Variants in SRSF11 observed in about 807,000 individuals in gnomAD.
SRSF11 encodes serine/arginine-rich splicing factor 11.
In SRSF11, 9 loss-of-function variants were observed where a neutral mutation model predicts 56.0. The ratio of observed to expected loss-of-function variants is 0.16; its 90% CI spans 0.10 to 0.28. The LOEUF is 0.28. Among genes scored for constraint, SRSF11 ranks in the 10% least tolerant of loss-of-function variants. The pLI is 1.00. For synonymous variants in SRSF11, 222 were observed against 215.3 expected (o/e 1.03, Z -0.27); for missense variants, 421 against 600.7 (o/e 0.70, Z 3.13).
At chr1:70,226,378 G>T (rs1043011696) in intron 1 of SRSF11, among the ~76,000 whole-genome samples, 6 of 151,972 alleles carry the variant, frequency 3.9e-5, no homozygotes, top group Non-Finnish European at 5.9e-5. Flanking sequence ...AACAGGTTTT[G>T]ATATAGCCAA....
intron 1 of SRSF11, 55 bp downstream of exon 1, chr1:70,221,894 A>G: frequency 2.2e-5 from 35 of 1,603,764 alleles, no homozygotes; most frequent in Non-Finnish European, 2.9e-5. Flanking sequence ...CCTGGGCCTA[A>G]CACACACAAT....
chr1:70,223,695 T>A (rs1248004867), intron 1 of SRSF11, among the ~76,000 whole-genome samples: 2 of 152,256 alleles, frequency 1.3e-5, no homozygotes. Flanking sequence ...CCTTCTACAT[T>A]TGATCAGTAA....
rs1677868044 is a variant in SRSF11 at position 70,250,951 on chromosome 1, A to G, written c.*146A>G. Reference sequence around the variant, plus strand: ...TTATAAAGCTCCTGTTACTCATATTAGTTATTTACATCAAAAAGCTTTTAG... The same window carrying G: ...TTATAAAGCTCCTGTTACTCATATTGGTTATTTACATCAAAAAGCTTTTAG... On this transcript the variant is annotated 3_prime_UTR_variant, in exon 12 of 12. Coordinates refer to ENST00000370949, the MANE Select transcript of SRSF11 (RefSeq NM_001350605.2). The G allele has an allele frequency of 1.5e-6, 1 of 667,450 alleles. No individual in the cohort carries two copies. The highest frequency in any genetic ancestry group is 1.8e-5 in the African/African-American group (1 of 55,126). 41.3% of individuals were successfully genotyped at this position (667,450 alleles called of 1,614,324 possible). A position where few individuals can be genotyped will look rare whatever the true frequency, so the allele number is the denominator to read the frequency against.
At chr1:70,215,687 C>T (rs760855853) in intron 1 of SRSF11, among the ~76,000 whole-genome samples, 8 of 152,272 alleles carry the variant, frequency 5.3e-5, no homozygotes, top group Middle Eastern at 3.4e-3. Context: ...CTGTCTTTTC[C>T]GTTAGTGTGA....
chr1:70,222,680 A>G (rs1231335579), intron 1 of SRSF11: 2 of 152,226 alleles, frequency 1.3e-5, no homozygotes, highest in Admixed American at 6.5e-5. Context: ...TGGAAGACTT[A>G]TTGGTGGAGA....
At chr1:70,228,349 T>A (rs1253199470) in intron 1 of SRSF11, 73 bp from the exon 2 acceptor site, 4 of 1,145,180 alleles carry the variant, frequency 3.5e-6, no homozygotes, top group Non-Finnish European at 5.1e-6. Flanking sequence ...TTTTGAAATG[T>A]GTTGGTTTGT....
chr1:70,236,130 T>A (rs1454709846), intron 5 of SRSF11, among the ~76,000 whole-genome samples: 2 of 152,134 alleles, frequency 1.3e-5, no homozygotes, highest in Non-Finnish European at 2.9e-5. Context: ...ATCGTTGGAC[T>A]TCAGTAGTTA....
chr1:70,239,471 T>G lies in SRSF11; in HGVS notation c.751T>G (p.Ser251Ala). 6.2e-7 allele frequency: 1 copy of G among 1,608,688 alleles called. No individual in the cohort carries two copies. Among genetic ancestry groups the G allele is most frequent in the Non-Finnish European group, 8.5e-7 (1 of 1,178,362 alleles). Residue 251 changes from serine to alanine, a missense_variant, in exon 7 of 12, where the codon TCA (serine) becomes GCA (alanine). Transcript: ENST00000370949. ...KKEEKRRHSR[S>A]RSRSRRRRTP... The stretch of plus-strand genomic sequence containing the variant: ...AGAAGAAAAAAGAAGGCATTCAAGA[T>G]CAAGATCACGTTCTAGGAGGAGGAG...
In SRSF11 at chr1:70,244,904, G is replaced by T. The variant is rs189210144; in HGVS notation, c.932+89G>T. On this transcript the variant is annotated intron_variant, in intron 8 of 11. Transcript: ENST00000370949. ...GTAACAAAAGAGGTGGTTGGGGTGC[G>T]GGGCAGAGAAATAGGGCTAGACAGG... 8 of 1,328,420 alleles carry T rather than the reference G, an allele frequency of 6.0e-6. 1 individual carries two copies. The highest frequency in any genetic ancestry group is 4.8e-5 in the East Asian group (2 of 41,520). 82.3% of individuals were successfully genotyped at this position (1,328,420 alleles called of 1,614,324 possible).
upstream of SRSF11, chr1:70,221,275 CCT>C (rs1023809366): frequency 1.6e-4 from 44 of 273,224 alleles, no homozygotes; most frequent in African/African-American, 9.4e-4. Flanking sequence ...GACCCCGGTG[CCT>C]CTCATTTCTC....
upstream of SRSF11, chr1:70,205,712 G>C (rs1668942391): frequency 5.2e-6 from 3 of 576,296 alleles, no homozygotes; most frequent in Admixed American, 9.7e-5. Context: ...ACCAGCGCCT[G>C]GGCTGGAGGA....
At chr1:70,233,574 A>G (rs1430309272) in intron 3 of SRSF11, among the ~76,000 whole-genome samples, 2 of 152,226 alleles carry the variant, frequency 1.3e-5, no homozygotes, top group Admixed American at 1.3e-4. Context: ...CCTTTAATGT[A>G]TAAAGCTATG....
chr1:70,241,996 G>A lies in SRSF11; in HGVS notation c.800+2476G>A, dbSNP rs543947896. ...AGCCTGGCCAACATAGTGAAACCCC[G>A]TCTCTCCTAAAAACACAAAAATCAG... On this transcript the variant is annotated intron_variant, in intron 7 of 11. Transcript: ENST00000370949. Among the ~76,000 whole-genome samples, 18 of 152,140 alleles carry A rather than the reference G, an allele frequency of 1.2e-4. No individual in the cohort carries two copies. In the South Asian group the frequency reaches 2.9e-3, roughly 25 times the overall value.
intron 2 of SRSF11, chr1:70,230,270 A>G (rs41287900): frequency 0.021 from 20,591 of 1,000,220 alleles, 229 homozygotes; most frequent in South Asian, 0.03. Flanking sequence ...TCAGAATTCT[A>G]TTGTTGGTGA....
At chr1:70,215,740 AG>A (rs1669946766) in intron 1 of SRSF11, among the ~76,000 whole-genome samples, 1 of 152,194 alleles carries the variant, frequency 6.6e-6, no homozygotes, top group Non-Finnish European at 1.5e-5. Flanking sequence ...AACTGCAAAC[AG>A]GGTTCCCAGT....
Position 70,210,462 on chromosome 1 carries a change from C to T in SRSF11, c.-26+4682C>T, listed in dbSNP as rs193188299. Among the ~76,000 whole-genome samples the T allele has an allele frequency of 1.9e-3, 292 of 152,234 alleles. 1 individual carries two copies. Among genetic ancestry groups the T allele is most frequent in the Non-Finnish European group, 6.3e-4 (43 of 68,012 alleles). The stretch of plus-strand genomic sequence containing the variant: ...GTACGGTGGCTCATGCCTATAATTC[C>T]AGCAGTTTGGGAGGCCAAGGCAGGC... On this transcript the variant is annotated intron_variant, in intron 1 of 12. Transcript: ENST00000370950.
chr1:70,239,301 A>G, intron 6 of SRSF11, 138 bp from the exon 7 acceptor site: 1 of 601,674 alleles, frequency 1.7e-6, no homozygotes, highest in Non-Finnish European at 3.0e-6. Context: ...TATATTGCCC[A>G]GGCTGGTCTT....
chr1:70,231,382 A>C, intron 2 of SRSF11: 1 of 1,059,672 alleles, frequency 9.4e-7, no homozygotes, highest in African/African-American at 1.7e-5. Context: ...TGTCTACATA[A>C]ATATTTGTTT....
chr1:70,250,886 A>C lies in SRSF11; in HGVS notation c.*81A>C. ...TGATTTCTTAATGCTGTATTTGTTC[A>C]TCTCAAACCTAGATGTATACAGCTC... On this transcript the variant is annotated 3_prime_UTR_variant, in exon 12 of 12. Coordinates refer to ENST00000370949, the MANE Select transcript of SRSF11 (RefSeq NM_001350605.2). 4 of 1,258,024 alleles carry C rather than the reference A, an allele frequency of 3.2e-6. No individual in the cohort carries two copies. The highest frequency in any genetic ancestry group is 1.5e-5 in the African/African-American group (1 of 67,390). The allele number at this position is 1,258,024 out of a possible 1,614,324, so 77.9% of individuals were successfully genotyped here.
Sources: allele counts gnomAD v4.1 joint callset (sites outside exome capture counted in the v4.1 genomes callset), GRCh38; gene constraint gnomAD v4.1.1; transcripts MANE v1.5; gene names NCBI Gene and HGNC (gene_info 2026-07-23, HGNC 2026-07-21).